SGPL1: variants seen among roughly 807,000 people sequenced by gnomAD.
SGPL1 encodes the protein sphingosine-1-phosphate lyase 1.
In SGPL1, 37 loss-of-function variants were observed where a neutral mutation model predicts 68.9. That is an observed-to-expected ratio of 0.54 (90% CI 0.41 to 0.71). The LOEUF (loss-of-function observed/expected upper bound fraction) is 0.71, where lower values mean the gene tolerates loss of function less well. SGPL1 is among the 30% of genes least tolerant of loss of function. The pLI is 0.00. For missense variants in SGPL1, 551 were observed against 704.6 expected (o/e 0.78, Z 2.47); for synonymous variants, 236 against 248.5 (o/e 0.95, Z 0.47).
At chr10:70,857,564 C>T in intron 5 of SGPL1, 50 bp from the exon 6 acceptor site, 2 of 1,448,772 alleles carry the variant, frequency 1.4e-6, no homozygotes, top group Non-Finnish European at 1.9e-6. Context: ...CAGAACCTGT[C>T]TTCCCAGAGA....
chr10:70,816,861 G>A lies in SGPL1; in HGVS notation c.8G>A (p.Ser3Asn), dbSNP rs748797926. The A allele has an allele frequency of 5.0e-6, 8 of 1,614,108 alleles. No individual in the cohort carries two copies. The highest frequency in any genetic ancestry group is 6.8e-6 in the Non-Finnish European group (8 of 1,179,982). MP[S>N]TDLLMLKAFE... ...GGAGGCTGGAAGAGGAAGATGCCTA[G>A]CACAGACCTTCTGATGTTGGTGAGC... The change falls in exon 2 of 15, where the codon AGC becomes AAC. Residue 3 changes from serine to asparagine, a missense_variant. Transcript: ENST00000373202.
chr10:70,875,250 C>T (rs1179560210), intron 12 of SGPL1, 152 bp from the exon 13 acceptor site: 2 of 586,394 alleles, frequency 3.4e-6, no homozygotes, highest in Non-Finnish European at 6.1e-6. Context: ...CAGTGTAGCC[C>T]TCTTCTTTTT....
chr10:70,859,489 C>A lies in SGPL1; in HGVS notation c.605C>A (p.Ser202Ter). The stretch of plus-strand genomic sequence containing the variant: ...TCCCTGTTCAATGGGGGACCAGATT[C>A]GTGTGGATGTGTAAGTATATGCAAG... ...ACSLFNGGPD[S>*]CGCVTSGGTE... The change falls in exon 7 of 15, where the codon TCG (serine) becomes TAG (stop). Residue 202 changes from serine to a stop codon, truncating the protein, a stop_gained. Coordinates refer to ENST00000373202, the MANE Select transcript of SGPL1 (RefSeq NM_003901.4). LOFTEE classifies it high-confidence loss of function. The A allele has an allele frequency of 6.6e-7, 1 of 1,522,126 alleles. No individual in the cohort carries two copies. The highest frequency in any genetic ancestry group is 1.3e-5 in the South Asian group (1 of 75,734). The allele number at this position is 1,522,126 out of a possible 1,614,324, so 94.3% of individuals were successfully genotyped here.
intron 2 of SGPL1, among the ~76,000 whole-genome samples, chr10:70,818,910 C>T (rs1013201300): frequency 5.3e-5 from 8 of 152,222 alleles, no homozygotes; most frequent in African/African-American, 1.9e-4. Context: ...CTATCTCCTA[C>T]ATCCCCTTCA....
At chr10:70,855,049 C>T (rs1845942895) in intron 5 of SGPL1, among the ~76,000 whole-genome samples, 194 bp downstream of exon 5, 1 of 152,160 alleles carries the variant, frequency 6.6e-6, no homozygotes, top group Non-Finnish European at 1.5e-5. Context: ...ATAAAGCAAG[C>T]AAATCTCAGA....
At chr10:70,824,211 G>T (rs2131850303) in intron 2 of SGPL1, among the ~76,000 whole-genome samples, 1 of 152,262 alleles carries the variant, frequency 6.6e-6, no homozygotes, top group East Asian at 1.9e-4. Context: ...ACAGGGAAAT[G>T]ACCATTTTCA....
At chr10:70,858,643 C>G (rs1303421222) in intron 6 of SGPL1, among the ~76,000 whole-genome samples, 1 of 152,232 alleles carries the variant, frequency 6.6e-6, no homozygotes, top group African/African-American at 2.4e-5. Context: ...GGATGAAACT[C>G]AGGTTCTTAT....
intron 2 of SGPL1, among the ~76,000 whole-genome samples, chr10:70,827,249 G>T (rs1231462722): frequency 1.3e-5 from 2 of 152,166 alleles, no homozygotes; most frequent in Non-Finnish European, 1.5e-5. Context: ...ATTTCCGTAT[G>T]CATTTCCTGA....
chr10:70,818,591 G>A (rs998173217), intron 2 of SGPL1, among the ~76,000 whole-genome samples: 1 of 152,198 alleles, frequency 6.6e-6, no homozygotes, highest in Non-Finnish European at 1.5e-5. Flanking sequence ...TGCTGACATC[G>A]TAGTGGCATA....
intron 2 of SGPL1, among the ~76,000 whole-genome samples, chr10:70,839,434 T>G (rs1289586884): frequency 6.6e-6 from 1 of 152,120 alleles, no homozygotes; most frequent in Non-Finnish European, 1.5e-5. Flanking sequence ...AAACTACTGT[T>G]CTATTAAGCA....
At chr10:70,867,446 C>T (rs1305430974) in intron 7 of SGPL1, among the ~76,000 whole-genome samples, 3 of 151,886 alleles carry the variant, frequency 2.0e-5, no homozygotes, top group South Asian at 2.1e-4. Flanking sequence ...GCCTGTAATC[C>T]GAGCTACTCG....
chr10:70,845,623 C>T (rs973962556), intron 3 of SGPL1, among the ~76,000 whole-genome samples: 2 of 129,626 alleles, frequency 1.5e-5, no homozygotes, highest in Non-Finnish European at 3.7e-5. Context: ...CCTGCCCACC[C>T]ACCTTTTTCC....
chr10:70,843,115 C>G (rs1048350815), intron 2 of SGPL1, among the ~76,000 whole-genome samples: 2 of 152,040 alleles, frequency 1.3e-5, no homozygotes, highest in Non-Finnish European at 2.9e-5. Context: ...TCCTTTTAAC[C>G]AGCTTAAATT....
chr10:70,815,994 G>C lies in SGPL1; in HGVS notation c.-176G>C, dbSNP rs919206142. On this transcript the variant is annotated 5_prime_UTR_variant, in exon 1 of 15. Transcript: ENST00000373202. ...GGCGGCTGCCGGGCCTCCAATCTCGGCGGCGGCGGCGGCAACAGGGGAGCC... is the reference window on the plus strand; with the variant it reads ...GGCGGCTGCCGGGCCTCCAATCTCGCCGGCGGCGGCGGCAACAGGGGAGCC... 16 of 151,538 alleles carry C rather than the reference G, an allele frequency of 1.1e-4. No homozygotes were observed. The highest frequency in any genetic ancestry group is 2.1e-4 in the Non-Finnish European group (14 of 67,910). 9.4% of individuals were successfully genotyped at this position (151,538 alleles called of 1,614,324 possible). A position where few individuals can be genotyped will look rare whatever the true frequency, so the allele number is the denominator to read the frequency against.
At chr10:70,842,440 G>C (rs950901710) in intron 2 of SGPL1, among the ~76,000 whole-genome samples, 1 of 152,164 alleles carries the variant, frequency 6.6e-6, no homozygotes, top group African/African-American at 2.4e-5. Flanking sequence ...AGAAATACCT[G>C]AGTCTGGGTA....
chr10:70,830,818 A>C (rs1046388706), intron 2 of SGPL1, among the ~76,000 whole-genome samples: 1 of 152,210 alleles, frequency 6.6e-6, no homozygotes, highest in Non-Finnish European at 1.5e-5. Context: ...TTTTGTTAAA[A>C]GATAATTTTC....
intron 2 of SGPL1, among the ~76,000 whole-genome samples, chr10:70,835,735 C>CAAAAA (rs66962270): frequency 2.9e-5 from 2 of 70,128 alleles, no homozygotes; most frequent in African/African-American, 6.0e-5. Flanking sequence ...GACTCCGTCT[C>CAAAAA]AAAAAAAAAA....
intron 2 of SGPL1, among the ~76,000 whole-genome samples, chr10:70,826,716 GT>G (rs2131854418): frequency 6.6e-6 from 1 of 152,056 alleles, no homozygotes; most frequent in South Asian, 2.1e-4. Context: ...TTTAAAAATA[GT>G]TTTAACCACC....
chr10:70,875,989 C>T (rs1387766578), intron 13 of SGPL1, among the ~76,000 whole-genome samples: 1 of 152,120 alleles, frequency 6.6e-6, no homozygotes, highest in African/African-American at 2.4e-5. Flanking sequence ...GTAAATGCAC[C>T]ACTCCAACTG....
Sources: gnomAD v4.1 joint callset for allele counts (sites outside exome capture counted in the v4.1 genomes callset) on GRCh38, gnomAD v4.1.1 for gene constraint, MANE v1.5 for transcripts, NCBI Gene and HGNC (gene_info 2026-07-23, HGNC 2026-07-21) for gene names.